The following THOC2 variants were observed in gnomAD, a reference collection of about 807,000 sequenced individuals.
THOC2 encodes the protein THO complex subunit 2, also known as THO complex 2.
A neutral mutation model predicts 128.4 loss-of-function variants in THOC2; 10 were observed. The ratio of observed to expected loss-of-function variants is 0.08; its 90% CI spans 0.05 to 0.13. THOC2 has a LOEUF of 0.13. THOC2 is among the 10% of genes least tolerant of loss of function. THOC2 has a pLI of 1.00. For synonymous variants in THOC2, 393 were observed against 396.9 expected, an observed-to-expected ratio of 0.99 and a Z score of 0.12; for missense variants, 535 against 1,155.7, an observed-to-expected ratio of 0.46 and a Z score of 7.79.
chrX:123,644,942 G>C, intron 13 of THOC2, 33 bp from the exon 14 acceptor site: 11 of 1,135,349 alleles, frequency 9.7e-6, no homozygotes, highest in South Asian at 5.9e-5. Flanking sequence ...ATTTCAGTAA[G>C]AGGTCTATAT....
chrX:123,638,727 T>TACACACAC (rs753366301), intron 17 of THOC2, among the ~76,000 whole-genome samples: 5 of 81,409 alleles, frequency 6.1e-5, no homozygotes, highest in African/African-American at 2.2e-4. Flanking sequence ...GACACACACG[T>TACACACAC]ACACACACAC....
intron 8 of THOC2, among the ~76,000 whole-genome samples, chrX:123,675,152 T>C (rs2049434703): frequency 8.9e-6 from 1 of 112,209 alleles, no homozygotes; most frequent in Admixed American, 9.5e-5. Context: ...GCTTGGCTTC[T>C]TCTACCTGCT....
At chrX:123,625,458 A>AT (rs1198336802) in intron 25 of THOC2, among the ~76,000 whole-genome samples, 1 of 111,517 alleles carries the variant, frequency 9.0e-6, no homozygotes, top group Non-Finnish European at 1.9e-5. Context: ...CAAAATGTGC[A>AT]TATGACCATA....
chrX:123,604,370 TG>T (rs141790155), intron 38 of THOC2, among the ~76,000 whole-genome samples: 759 of 110,982 alleles, frequency 6.8e-3, no homozygotes, highest in Middle Eastern at 0.023. Flanking sequence ...CTGAGTTGTT[TG>T]TTTTTTTTTT....
intron 28 of THOC2, chrX:123,623,557 C>T: frequency 3.0e-6 from 2 of 660,981 alleles, no homozygotes; most frequent in Non-Finnish European, 4.5e-6. Context: ...TATATTTCCT[C>T]CCAATCAAGA....
intron 2 of THOC2, among the ~76,000 whole-genome samples, chrX:123,710,905 G>A (rs1202718243): frequency 1.9e-5 from 2 of 103,322 alleles, no homozygotes; most frequent in Admixed American, 1.0e-4. Flanking sequence ...CAGGAGAATC[G>A]CTTGAACCTG....
chrX:123,700,242 T>C (rs1304279194), intron 4 of THOC2, among the ~76,000 whole-genome samples: 1 of 109,179 alleles, frequency 9.2e-6, no homozygotes, highest in African/African-American at 3.3e-5. Flanking sequence ...AGCTCAAGCC[T>C]GTAATCCCAG....
chrX:123,675,931 T>C (rs954568168), intron 8 of THOC2, among the ~76,000 whole-genome samples: 5 of 111,962 alleles, frequency 4.5e-5, no homozygotes, highest in Non-Finnish European at 9.4e-5. Context: ...ATTAGAACAC[T>C]CCTCAAAGTT....
At chrX:123,690,052 A>G (rs1264416595) in intron 7 of THOC2, among the ~76,000 whole-genome samples, 2 of 111,429 alleles carry the variant, frequency 1.8e-5, no homozygotes, top group Non-Finnish European at 3.8e-5. Context: ...ACACACACAT[A>G]TGCCTTTATG....
rs779332218 is a variant in THOC2, at chrX:123,621,494, C to T, written c.3879G>A (p.Arg1293=). ...EKTPATTPEA[R]VLGKDGKEKP... is the part of the protein sequence containing the mutation. ...TTTCTTTACCATCTTTACCAAGTAC[C>T]CTGGCCTCTGGAGTAGTAGCTGGAG... Residue 1293 remains arginine (R), a synonymous_variant, in exon 31 of 39, where the codon AGG becomes AGA. Coordinates refer to ENST00000245838, the MANE Select transcript of THOC2 (RefSeq NM_001081550.2). 1.7e-6 allele frequency: 2 copies of T among 1,207,005 alleles called. No individual in the cohort carries two copies. Among genetic ancestry groups the T allele is most frequent in the Non-Finnish European group, 2.2e-6 (2 of 894,580 alleles).
chrX:123,716,728 CAAA>C (rs777748213), intron 1 of THOC2, among the ~76,000 whole-genome samples: 2 of 34,304 alleles, frequency 5.8e-5, no homozygotes, highest in African/African-American at 1.0e-4. Context: ...GACTCTGTCT[CAAA>C]AAAAAAAAAA....
intron 7 of THOC2, among the ~76,000 whole-genome samples, chrX:123,693,824 G>A (rs746213173): frequency 9.0e-6 from 1 of 111,117 alleles, no homozygotes; most frequent in East Asian, 2.8e-4. Flanking sequence ...GGGGTGGGCA[G>A]GGAAGGCTTC....
At chrX:123,629,607 C>A (rs1378038622) in intron 22 of THOC2, among the ~76,000 whole-genome samples, 1 of 111,277 alleles carries the variant, frequency 9.0e-6, no homozygotes, top group Non-Finnish European at 1.9e-5. Flanking sequence ...GATTTATGCT[C>A]TGTTATCCCC....
chrX:123,708,740 T>C (rs190665347), intron 2 of THOC2, among the ~76,000 whole-genome samples: 9 of 111,471 alleles, frequency 8.1e-5, no homozygotes, highest in Non-Finnish European at 1.3e-4. Context: ...AGTCCCTAAA[T>C]CACAAGTTTT....
At chrX:123,705,968 A>C (rs918966065) in intron 3 of THOC2, among the ~76,000 whole-genome samples, 2 of 111,719 alleles carry the variant, frequency 1.8e-5, no homozygotes, top group Admixed American at 9.6e-5. Flanking sequence ...GCTTAATAAT[A>C]AAAGAACAGC....
At chrX:123,638,791 C>T (rs1288228961) in intron 17 of THOC2, 143 bp downstream of exon 17, 21 of 414,170 alleles carry the variant, frequency 5.1e-5, no homozygotes, top group Non-Finnish European at 6.8e-5. Context: ...CACACACACA[C>T]ACACAATTGA....
At chrX:123,729,999 A>T (rs959255677) in intron 1 of THOC2, among the ~76,000 whole-genome samples, 1 of 112,026 alleles carries the variant, frequency 8.9e-6, no homozygotes, top group African/African-American at 3.2e-5. Flanking sequence ...AAAATAGCTT[A>T]TTATGTTACA....
chrX:123,708,276 T>A (rs2051023847), intron 2 of THOC2, among the ~76,000 whole-genome samples: 1 of 111,717 alleles, frequency 9.0e-6, no homozygotes, highest in Non-Finnish European at 1.9e-5. Flanking sequence ...TAATAATTAT[T>A]CCAATTATTT....
intron 4 of THOC2, among the ~76,000 whole-genome samples, chrX:123,701,185 T>C (rs1257607702): frequency 9.0e-6 from 1 of 111,580 alleles, no homozygotes; most frequent in Non-Finnish European, 1.9e-5. Flanking sequence ...AAACCCCATC[T>C]CTACTAAAAA....
Sources: gnomAD v4.1 joint callset for allele counts (sites outside exome capture counted in the v4.1 genomes callset) on GRCh38, gnomAD v4.1.1 for gene constraint, MANE v1.5 for transcripts, NCBI Gene and HGNC (gene_info 2026-07-23, HGNC 2026-07-21) for gene names.